The following B3GNT5 variants were observed in gnomAD, a reference collection of about 807,000 sequenced individuals.
The protein encoded by B3GNT5 is lactosylceramide 1,3-N-acetyl-beta-D-glucosaminyltransferase.
B3GNT5 carries 11 observed loss-of-function variants against 25.9 expected under a neutral mutation model. The observed-to-expected ratio is 0.42, with a 90% confidence interval of 0.27 to 0.70. The LOEUF is 0.70. Ranked by LOEUF, B3GNT5 falls within the 30% of genes least tolerant of loss-of-function variation. The pLI, the probability that B3GNT5 is intolerant of heterozygous loss-of-function variation, is 0.23. For missense variants in B3GNT5, 385 were observed against 458.4 expected (o/e 0.84, Z 1.46); for synonymous variants, 166 against 158.6 (o/e 1.05, Z -0.35).
chr3:183,261,311 AAACAGATGACGAGAAG>A (rs1725557637), intron 1 of B3GNT5, among the ~76,000 whole-genome samples: 1 of 152,202 alleles, frequency 6.6e-6, no homozygotes, highest in African/African-American at 2.4e-5. Context: ...ACTTAACAGG[AAACAGATGACGAGAAG>A]AAGCCAGGAA....
chr3:183,260,011 C>CCCG (rs1560377527), intron 1 of B3GNT5, among the ~76,000 whole-genome samples: 1 of 152,050 alleles, frequency 6.6e-6, no homozygotes, highest in African/African-American at 2.4e-5. Context: ...CTGCCCACCT[C>CCCG]CTCCCCTGCC....
intron 1 of B3GNT5, among the ~76,000 whole-genome samples, chr3:183,257,002 G>A (rs1199380377): frequency 6.6e-6 from 1 of 151,996 alleles, no homozygotes; most frequent in Non-Finnish European, 1.5e-5. Flanking sequence ...CCTAATTAAT[G>A]TTTTTTGAGA....
chr3:183,254,014 C>G (rs1329304451), intron 1 of B3GNT5: 1 of 152,154 alleles, frequency 6.6e-6, no homozygotes, highest in East Asian at 1.9e-4. Context: ...GCTGGGCTCC[C>G]TGGGTCTCCA....
Position 183,270,924 on chromosome 3 carries a change from G to C in B3GNT5, c.1126G>C (p.Ala376Pro). 1 of 1,574,982 alleles carries C rather than the reference G, an allele frequency of 6.3e-7. No individual in the cohort carries two copies. The change falls in exon 2 of 2, where the codon GCG becomes CCG. Residue 376 changes from alanine (A) to proline (P), a missense_variant. By Grantham distance (27) the Ala-to-Pro change is conservative. Transcript: ENST00000326505. The surrounding 1 kb of genome is among the most constrained non-coding windows in gnomAD (Gnocchi z 4.5). ...SYVDTYPCRAAFI is the reference protein window; with the variant it reads ...SYVDTYPCRAPFI ...TGTGGACACATACCCTTGTAGGGCT[G>C]CGTTTATCTAATAGTACTTGAATGT...
At chr3:183,262,718 T>TG (rs574808326) in intron 1 of B3GNT5, among the ~76,000 whole-genome samples, 6 of 67,732 alleles carry the variant, frequency 8.9e-5, no homozygotes, top group East Asian at 4.1e-4. Flanking sequence ...GTCTTCAGGG[T>TG]GGGGGGGACA....
chr3:183,263,499 T>G (rs1725809903), intron 1 of B3GNT5, among the ~76,000 whole-genome samples: 1 of 152,140 alleles, frequency 6.6e-6, no homozygotes, highest in Admixed American at 6.5e-5. Flanking sequence ...ATCTTAATTT[T>G]CTGATGAATG....
At chr3:183,260,006 C>T (rs538613539) in intron 1 of B3GNT5, among the ~76,000 whole-genome samples, 1 of 152,284 alleles carries the variant, frequency 6.6e-6, no homozygotes, top group East Asian at 1.9e-4. Flanking sequence ...TGACCCTGCC[C>T]ACCTCCTCCC....
Position 183,270,536 on chromosome 3 carries a change from G to C in B3GNT5, c.738G>C (p.Trp246Cys). 1.2e-6 allele frequency: 2 copies of C among 1,614,108 alleles called. No individual in the cohort carries two copies. Among genetic ancestry groups the C allele is most frequent in the Non-Finnish European group, 1.7e-6 (2 of 1,179,996 alleles). The stretch of plus-strand genomic sequence containing the variant: ...ACGTGTCCTATGAAATGTACCAGTG[G>C]CCAGCTTACCCTGACTACACAGCCG... ...KYYVSYEMYQ[W>C]PAYPDYTAGA... The change falls in exon 2 of 2, where the codon TGG becomes TGC. Residue 246 changes from tryptophan to cysteine, a missense_variant. Coordinates refer to ENST00000326505, the MANE Select transcript of B3GNT5 (RefSeq NM_032047.5). This position sits in a 1 kb window ranked among gnomAD's most constrained non-coding sequence, Gnocchi z 4.5.
intron 1 of B3GNT5, among the ~76,000 whole-genome samples, chr3:183,259,614 A>G (rs550204165): frequency 6.6e-6 from 1 of 151,898 alleles, no homozygotes; most frequent in African/African-American, 2.4e-5. Context: ...TCTGTGTCTG[A>G]CTCCTCGCCT....
chr3:183,261,515 T>A (rs1230480547), intron 1 of B3GNT5, among the ~76,000 whole-genome samples: 17 of 152,140 alleles, frequency 1.1e-4, no homozygotes, highest in Non-Finnish European at 2.4e-4. Context: ...GAAATTTTTT[T>A]AAAAACTGTG....
rs1380141152 is a variant in B3GNT5 at position 183,269,531 on chromosome 3, G to A, written c.-268G>A. 3 of 380,530 alleles carry A rather than the reference G, an allele frequency of 7.9e-6. No homozygotes were observed. Among genetic ancestry groups the A allele is most frequent in the Non-Finnish European group, 1.4e-5 (3 of 213,410 alleles). The allele number at this position is 380,530 out of a possible 1,614,324, so 23.6% of individuals were successfully genotyped here. A position where few individuals can be genotyped will look rare whatever the true frequency, so the allele number is the denominator to read the frequency against. Reference sequence around the variant, plus strand: ...GAATATTCACATGGGAGAGCCGCATGAGGCCGCCCACCACGCTTCCTGAAG... The same window carrying A: ...GAATATTCACATGGGAGAGCCGCATAAGGCCGCCCACCACGCTTCCTGAAG... On this transcript the variant is annotated 5_prime_UTR_variant, in exon 2 of 2. An upstream start codon of the reference 5' UTR is lost. Coordinates refer to ENST00000326505, the MANE Select transcript of B3GNT5 (RefSeq NM_032047.5).
In B3GNT5 at chr3:183,269,616, C is replaced by A. The variant is rs1726544113; in HGVS notation, c.-183C>A. Reference sequence around the variant, plus strand: ...TCCTCGTTCTACAGGGTGTTCCATTCTTCCGCAATCTCAGAAAAATGGGAC... The same window carrying A: ...TCCTCGTTCTACAGGGTGTTCCATTATTCCGCAATCTCAGAAAAATGGGAC... On this transcript the variant is annotated 5_prime_UTR_variant, in exon 2 of 2. Transcript: ENST00000326505. 3.5e-6 allele frequency: 2 copies of A among 570,810 alleles called. No homozygotes were observed. Among genetic ancestry groups the A allele is most frequent in the Non-Finnish European group, 5.9e-6 (2 of 336,582 alleles). The allele number at this position is 570,810 out of a possible 1,614,324, so 35.4% of individuals were successfully genotyped here. A position where few individuals can be genotyped will look rare whatever the true frequency, so the allele number is the denominator to read the frequency against.
intron 1 of B3GNT5, among the ~76,000 whole-genome samples, chr3:183,256,702 C>T (rs552653106): frequency 6.6e-6 from 1 of 152,298 alleles, no homozygotes; most frequent in East Asian, 1.9e-4. Context: ...CTTCCTATAA[C>T]TTTTTCATAG....
chr3:183,264,243 A>C (rs1012732973), intron 1 of B3GNT5, among the ~76,000 whole-genome samples: 1 of 152,110 alleles, frequency 6.6e-6, no homozygotes, highest in African/African-American at 2.4e-5. Context: ...TTCTTGTCTA[A>C]AACAAAGATT....
chr3:183,259,526 T>A (rs1434190232), intron 1 of B3GNT5, among the ~76,000 whole-genome samples: 1 of 152,240 alleles, frequency 6.6e-6, no homozygotes, highest in Admixed American at 6.5e-5. Context: ...ATCTTCAGAT[T>A]TTCCCTGCCT....
rs60835895 is a variant in B3GNT5, at chr3:183,269,230, C to CTTTTTTTTTTTTTTTTTTTTTTTTTTT, written c.-301-250_-301-249insTTTTTTTTTTTTTTTTTTTTTTTTTTT. 2.3e-4 allele frequency among the ~76,000 whole-genome samples: 19 copies of CTTTTTTTTTTTTTTTTTTTTTTTTTTT among 81,002 alleles called. 4 individuals carry two copies. Among genetic ancestry groups the CTTTTTTTTTTTTTTTTTTTTTTTTTTT allele is most frequent in the African/African-American group, 9.5e-4 (15 of 15,758 alleles). 53.1% of individuals were successfully genotyped at this position (81,002 alleles called of 152,430 possible). A position where few individuals can be genotyped will look rare whatever the true frequency, so the allele number is the denominator to read the frequency against. ...TACACGATTATAGCCGTTTGGGAAG[C>CTTTTTTTTTTTTTTTTTTTTTTTTTTT]TTTTTTTTTTTTTTTTTTAAGAGTA... On this transcript the variant is annotated intron_variant, in intron 1 of 1. Transcript: ENST00000326505.
At position 183,273,186 on chromosome 3, in the gene B3GNT5, C is replaced by A; in HGVS notation, c.*2251C>A. ...AAAATAAACTATCAGCTTGGATGGTCACTTGAATAGAAGATGGTTATACAC... is the reference window on the plus strand; with the variant it reads ...AAAATAAACTATCAGCTTGGATGGTAACTTGAATAGAAGATGGTTATACAC... On this transcript the variant is annotated 3_prime_UTR_variant, in exon 2 of 2. Coordinates refer to ENST00000326505, the MANE Select transcript of B3GNT5 (RefSeq NM_032047.5). 4.1e-6 allele frequency: 2 copies of A among 483,294 alleles called. No individual in the cohort carries two copies. Among genetic ancestry groups the A allele is most frequent in the South Asian group, 8.1e-5 (2 of 24,830 alleles). 29.9% of individuals were successfully genotyped at this position (483,294 alleles called of 1,614,324 possible).
At position 183,272,482 on chromosome 3, in the gene B3GNT5, A is replaced by G. The variant is rs1012874637; in HGVS notation, c.*1547A>G. On this transcript the variant is annotated 3_prime_UTR_variant, in exon 2 of 2. Transcript: ENST00000326505. ...ACACAACTGAATGATGATACTTACA[A>G]TTTTTAGCAGGTAGCTTTTTAATGT... 11 of 998,778 alleles carry G rather than the reference A, an allele frequency of 1.1e-5. No individual in the cohort carries two copies. The highest frequency in any genetic ancestry group is 2.3e-4 in the East Asian group (2 of 8,814). 61.9% of individuals were successfully genotyped at this position (998,778 alleles called of 1,614,324 possible).
Position 183,262,718 on chromosome 3 carries a change from TG to T in B3GNT5, c.-301-6773del, listed in dbSNP as rs574808326. On this transcript the variant is annotated intron_variant, in intron 1 of 1. Transcript: ENST00000326505. ...CAGACAGGAGGTGAAGTCTTCAGGGTGGGGGGGACAGAGCCTGGGAGGGGGA... is the reference window on the plus strand; with the variant it reads ...CAGACAGGAGGTGAAGTCTTCAGGGTGGGGGGACAGAGCCTGGGAGGGGGA... Among the ~76,000 whole-genome samples, 154 of 67,730 alleles carry T rather than the reference TG, an allele frequency of 2.3e-3. 2 individuals carry two copies. The South Asian group carries it at 0.027, about 12-fold the overall frequency. The allele number at this position is 67,730 out of a possible 152,430, so 44.4% of individuals were successfully genotyped here. A position where few individuals can be genotyped will look rare whatever the true frequency, so the allele number is the denominator to read the frequency against.
Sources: allele counts gnomAD v4.1 joint callset (sites outside exome capture counted in the v4.1 genomes callset), GRCh38; gene constraint gnomAD v4.1.1; non-coding constraint Gnocchi (gnomAD v3.1); transcripts MANE v1.5; gene names NCBI Gene and HGNC (gene_info 2026-07-23, HGNC 2026-07-21).